The following GABBR2 variants were observed in gnomAD, a reference collection of about 807,000 sequenced individuals.
GABBR2 encodes G-protein coupled receptor 51.
Under a neutral mutation model 105.6 loss-of-function variants are expected in GABBR2, and 23 were observed. The ratio of observed to expected loss-of-function variants is 0.22; its 90% CI spans 0.16 to 0.31. GABBR2 has a LOEUF of 0.31. Among genes scored for constraint, GABBR2 ranks in the 10% least tolerant of loss-of-function variants. GABBR2 has a pLI of 1.00. For missense variants in GABBR2, 734 were observed against 1,245.5 expected, an observed-to-expected ratio of 0.59 and a Z score of 6.18; for synonymous variants, 478 against 499.7, an observed-to-expected ratio of 0.96 and a Z score of 0.58.
chr9:98,570,928 G>A (rs576418656), intron 2 of GABBR2, among the ~76,000 whole-genome samples: 1 of 152,306 alleles, frequency 6.6e-6, no homozygotes, highest in East Asian at 1.9e-4. Flanking sequence ...CCAACCCAAG[G>A]CCTAGAAGGC....
chr9:98,570,605 A>G (rs1166620589), intron 2 of GABBR2, among the ~76,000 whole-genome samples: 1 of 152,100 alleles, frequency 6.6e-6, no homozygotes. Flanking sequence ...GGTTTTTCCC[A>G]GGCCCCATGC....
At chr9:98,540,541 G>C (rs1195855007) in intron 3 of GABBR2, among the ~76,000 whole-genome samples, 1 of 152,172 alleles carries the variant, frequency 6.6e-6, no homozygotes, top group Non-Finnish European at 1.5e-5. Context: ...TGGAAACCAG[G>C]TCTGCTGATT....
rs183250367 is a variant in GABBR2, at chr9:98,467,600, C to T, written c.999+5546G>A. ...AAGTTCTTTGTCACGGTGCTCACAG[C>T]GCAGTGGTAATGAGATGGGTGCAGA... On this transcript the variant is annotated intron_variant, in intron 6 of 18. Coordinates refer to ENST00000259455, the MANE Select transcript of GABBR2 (RefSeq NM_005458.8). Among the ~76,000 whole-genome samples, 44 of 152,256 alleles carry T rather than the reference C, an allele frequency of 2.9e-4. No homozygotes were observed. The East Asian group carries it at 7.3e-3, about 25-fold the overall frequency.
intron 16 of GABBR2, among the ~76,000 whole-genome samples, chr9:98,302,239 A>G (rs1010575546): frequency 6.6e-6 from 1 of 152,202 alleles, no homozygotes; most frequent in Non-Finnish European, 1.5e-5. Flanking sequence ...CTAGGGCAGA[A>G]CCAAAATATG....
chr9:98,315,601 A>C (rs1588096025), intron 13 of GABBR2, among the ~76,000 whole-genome samples: 1 of 152,218 alleles, frequency 6.6e-6, no homozygotes, highest in African/African-American at 2.4e-5. Flanking sequence ...CTGTGCAGCC[A>C]CACATGGGGA....
chr9:98,633,182 C>T (rs1365162380), intron 1 of GABBR2, among the ~76,000 whole-genome samples: 2 of 152,164 alleles, frequency 1.3e-5, no homozygotes, highest in Non-Finnish European at 2.9e-5. Context: ...AGCTCCAGAA[C>T]ACCACTGTCA....
At chr9:98,499,851 A>G (rs1209290646) in intron 3 of GABBR2, among the ~76,000 whole-genome samples, 1 of 152,256 alleles carries the variant, frequency 6.6e-6, no homozygotes, top group East Asian at 1.9e-4. Context: ...CAGGAGTTCA[A>G]AACCAGCCTG....
intron 11 of GABBR2, among the ~76,000 whole-genome samples, chr9:98,373,690 T>C (rs1831824092): frequency 6.6e-6 from 1 of 152,190 alleles, no homozygotes; most frequent in Admixed American, 6.5e-5. Context: ...GCATTTTTGA[T>C]AACATTCTCT....
intron 4 of GABBR2, among the ~76,000 whole-genome samples, chr9:98,490,391 T>C (rs546656746): frequency 1.6e-4 from 25 of 152,324 alleles, no homozygotes; most frequent in South Asian, 4.1e-4. Flanking sequence ...GGGCTGTGGA[T>C]AGAAGGGACT....
intron 1 of GABBR2, among the ~76,000 whole-genome samples, chr9:98,671,835 G>A (rs758225732): frequency 6.6e-6 from 1 of 152,172 alleles, no homozygotes; most frequent in Non-Finnish European, 1.5e-5. Flanking sequence ...TGAGGTTGTG[G>A]TTAAGAGGCC....
intron 1 of GABBR2, among the ~76,000 whole-genome samples, chr9:98,673,935 G>A (rs186777346): frequency 1.5e-4 from 23 of 152,210 alleles, no homozygotes; most frequent in Middle Eastern, 3.4e-3. Context: ...GCAAAGCCTC[G>A]TTTGAGGCCC....
chr9:98,556,597 C>A (rs1380688309), intron 2 of GABBR2, among the ~76,000 whole-genome samples: 8 of 152,114 alleles, frequency 5.3e-5, no homozygotes, highest in Non-Finnish European at 1.2e-4. Context: ...GGCAAGAGCA[C>A]CCGGAAGTGA....
rs184364139 is a variant in GABBR2, at chr9:98,415,352, C to T, written c.1237-9211G>A. Among the ~76,000 whole-genome samples the T allele has an allele frequency of 3.9e-5, 6 of 152,274 alleles. No individual in the cohort carries two copies. The East Asian group carries it at 9.6e-4, about 24-fold the overall frequency. On this transcript the variant is annotated intron_variant, in intron 7 of 18. Coordinates refer to ENST00000259455, the MANE Select transcript of GABBR2 (RefSeq NM_005458.8). ...CAATATCATCAGCAATAAACTAATACTCCCTCTTGAAATAGATTAATTTTT... is the reference window on the plus strand; with the variant it reads ...CAATATCATCAGCAATAAACTAATATTCCCTCTTGAAATAGATTAATTTTT...
chr9:98,545,192 G>C (rs930373792), intron 2 of GABBR2, among the ~76,000 whole-genome samples: 1 of 152,254 alleles, frequency 6.6e-6, no homozygotes, highest in African/African-American at 2.4e-5. Flanking sequence ...TTTCCCTGTG[G>C]GTAATTACCG....
chr9:98,529,171 A>G (rs1588213572), intron 3 of GABBR2, among the ~76,000 whole-genome samples: 1 of 152,014 alleles, frequency 6.6e-6, no homozygotes, highest in African/African-American at 2.4e-5. Context: ...AAAAAAAAAA[A>G]TCCCAACAGT....
intron 7 of GABBR2, among the ~76,000 whole-genome samples, chr9:98,437,443 A>G (rs12337248): frequency 0.18 from 27,578 of 151,186 alleles, 2,892 homozygotes; most frequent in East Asian, 0.38. Flanking sequence ...CTGTCCATCA[A>G]TCTACTCACA....
At chr9:98,326,638 G>A (rs10818784) in intron 13 of GABBR2, among the ~76,000 whole-genome samples, 31,630 of 152,130 alleles carry the variant, frequency 0.21, 3,621 homozygotes, top group South Asian at 0.31. Flanking sequence ...TTGCCTCATG[G>A]AAGATGGCTG....
chr9:98,543,555 G>A (rs1423205738), intron 2 of GABBR2, among the ~76,000 whole-genome samples: 2 of 151,906 alleles, frequency 1.3e-5, no homozygotes, highest in African/African-American at 2.4e-5. Context: ...GTCAGAGAAG[G>A]GGCCTCACTA....
At chr9:98,500,087 A>G (rs1827369822) in intron 3 of GABBR2, among the ~76,000 whole-genome samples, 1 of 152,242 alleles carries the variant, frequency 6.6e-6, no homozygotes, top group African/African-American at 2.4e-5. Context: ...GACGAAAACA[A>G]AAAAAACTGG....
Sources: allele counts gnomAD v4.1 joint callset (sites outside exome capture counted in the v4.1 genomes callset), GRCh38; gene constraint gnomAD v4.1.1; transcripts MANE v1.5; gene names NCBI Gene and HGNC (gene_info 2026-07-23, HGNC 2026-07-21).